Variants in ERICH1 observed in about 807,000 individuals in gnomAD.
ERICH1 encodes the protein glutamate-rich protein 1.
A neutral mutation model predicts 39.6 loss-of-function variants in ERICH1; 56 were observed. That is an observed-to-expected ratio of 1.41 (90% confidence interval 1.14 to 1.77). The LOEUF (loss-of-function observed/expected upper bound fraction) is 1.77. Ranked by LOEUF, ERICH1 falls within the 40% of genes most tolerant of loss-of-function variation. The probability of loss-of-function intolerance (pLI) is 0.00; values close to 1 mark genes in which losing one functional copy is unlikely to be tolerated. For synonymous variants in ERICH1, 313 were observed against 223.6 expected, an observed-to-expected ratio of 1.40 and a Z score of -3.57; for missense variants, 826 against 575.4, an observed-to-expected ratio of 1.44 and a Z score of -4.45.
downstream of ERICH1, among the ~76,000 whole-genome samples, chr8:661,955 C>T (rs1463528235): frequency 3.3e-5 from 5 of 150,420 alleles, no homozygotes; most frequent in Admixed American, 6.6e-5. Context: ...TCTGTGGAAC[C>T]TACAGGGATT....
At chr8:657,344 G>C (rs1800787423) in intron 3 of ERICH1, among the ~76,000 whole-genome samples, 1 of 152,060 alleles carries the variant, frequency 6.6e-6, no homozygotes, top group African/African-American at 2.4e-5. Context: ...GTGTGGAGGA[G>C]AGTCTTATTG....
chr8:730,659 T>C (rs1014063072), intron 1 of ERICH1, among the ~76,000 whole-genome samples: 3 of 152,104 alleles, frequency 2.0e-5, no homozygotes, highest in African/African-American at 7.3e-5. Flanking sequence ...GCCCCACACC[T>C]TAGGTCCACT....
intron 3 of ERICH1, among the ~76,000 whole-genome samples, chr8:642,274 C>A (rs1979174): frequency 0.9 from 136,150 of 151,198 alleles, 61,376 homozygotes; most frequent in South Asian, 0.95. Context: ...GCTTTGCTCT[C>A]ATTCATTTTA....
In ERICH1 at chr8:708,681, G is replaced by GTTTTTTT. The variant is rs139731216; in HGVS notation, c.169+7173_169+7179dup. Among the ~76,000 whole-genome samples the GTTTTTTT allele has an allele frequency of 4.4e-4, 29 of 65,768 alleles. 3 individuals carry two copies. The highest frequency in any genetic ancestry group is 9.6e-3 in the Middle Eastern group (1 of 104). The allele number at this position is 65,768 out of a possible 152,430, so 43.1% of individuals were successfully genotyped here. The stretch of plus-strand genomic sequence containing the variant: ...GGGCTGAGTGGTTACGGGATAATGA[G>GTTTTTTT]TTTTTTTTTTTTTTTTTTTTTTTTT... On this transcript the variant is annotated intron_variant, in intron 2 of 5. Coordinates refer to ENST00000262109, the MANE Select transcript of ERICH1 (RefSeq NM_207332.3).
At chr8:639,837 C>CA (rs1554484303) in intron 3 of ERICH1, among the ~76,000 whole-genome samples, 4 of 115,444 alleles carry the variant, frequency 3.5e-5, no homozygotes, top group Non-Finnish European at 5.4e-5. Context: ...TGAGCAGACA[C>CA]ACCAAGCACC....
chr8:679,559 C>T (rs1427085144), intron 3 of ERICH1, among the ~76,000 whole-genome samples: 1 of 152,214 alleles, frequency 6.6e-6, no homozygotes, highest in Admixed American at 6.5e-5. Flanking sequence ...CCCGTGGATG[C>T]TGCTACAAAT....
intron 2 of ERICH1, among the ~76,000 whole-genome samples, chr8:706,467 G>C (rs1585527706): frequency 2.0e-5 from 3 of 152,210 alleles, no homozygotes; most frequent in South Asian, 2.1e-4. Context: ...GTAAGTACTG[G>C]AAGGAAAAAT....
At chr8:686,628 T>C (rs1348003322) in intron 3 of ERICH1, 4 of 152,246 alleles carry the variant, frequency 2.6e-5, no homozygotes, top group Non-Finnish European at 4.4e-5. Flanking sequence ...AACATGACCA[T>C]ACACAGTGCC....
intron 3 of ERICH1, among the ~76,000 whole-genome samples, chr8:634,949 C>T (rs1335412208): frequency 6.6e-6 from 1 of 152,184 alleles, no homozygotes; most frequent in African/African-American, 2.4e-5. Context: ...CTCTTGGTGC[C>T]TCTGGGGAAG....
chr8:632,519 T>C (rs971956168), intron 3 of ERICH1, among the ~76,000 whole-genome samples: 4 of 152,204 alleles, frequency 2.6e-5, no homozygotes, highest in Admixed American at 6.5e-5. Flanking sequence ...TTTATGAACA[T>C]TGTTTTGGGG....
chr8:687,525 C>A (rs1807709436), intron 3 of ERICH1, among the ~76,000 whole-genome samples: 1 of 152,256 alleles, frequency 6.6e-6, no homozygotes, highest in East Asian at 1.9e-4. Flanking sequence ...CCCGCTAACA[C>A]CACGCGCTGA....
At chr8:682,088 G>A (rs1214216595) in intron 3 of ERICH1, among the ~76,000 whole-genome samples, 3 of 89,544 alleles carry the variant, frequency 3.4e-5, no homozygotes, top group South Asian at 3.9e-4. Context: ...AGTAGGTCTT[G>A]AGCCCAGTCT....
chr8:727,647 T>C (rs1239037670), intron 1 of ERICH1, among the ~76,000 whole-genome samples: 3 of 152,212 alleles, frequency 2.0e-5, no homozygotes, highest in Admixed American at 6.5e-5. Context: ...CTCCAGCACA[T>C]GTTCCCCAGG....
At chr8:710,670 T>C (rs1814521278) in intron 2 of ERICH1, among the ~76,000 whole-genome samples, 2 of 152,252 alleles carry the variant, frequency 1.3e-5, no homozygotes, top group Admixed American at 1.3e-4. Context: ...CTAATAAGCA[T>C]TTAAGGTCCC....
At chr8:634,460 C>T (rs1798272812) in intron 3 of ERICH1, among the ~76,000 whole-genome samples, 1 of 152,222 alleles carries the variant, frequency 6.6e-6, no homozygotes, top group Non-Finnish European at 1.5e-5. Flanking sequence ...AGCAATTCGT[C>T]TCCTGGGCGT....
chr8:615,270 G>C lies in ERICH1; in HGVS notation c.991C>G (p.Leu331Val), dbSNP rs770844445. 1.0e-5 allele frequency: 7 copies of C among 696,562 alleles called. No individual in the cohort carries two copies. In the African/African-American group the frequency reaches 1.1e-4, roughly 10 times the overall value. 43.1% of individuals were successfully genotyped at this position (696,562 alleles called of 1,614,324 possible). ...CCTCTTCTTATTTTCTTGGCTTTAA[G>C]TCTGCTTAGGACTCCTGGAAAATCA... Residue 331 changes from leucine (L) to valine (V), a missense_variant, in exon 4 of 4, where the codon CTT (leucine) becomes GTT (valine). Coordinates refer to the ERICH1 transcript ENST00000522706.
chr8:682,401 G>T (rs890928394), intron 3 of ERICH1, among the ~76,000 whole-genome samples: 7 of 152,230 alleles, frequency 4.6e-5, no homozygotes, highest in South Asian at 2.1e-4. Context: ...TGTGCTCTAT[G>T]CTCTGGCGTC....
intron 3 of ERICH1, among the ~76,000 whole-genome samples, chr8:635,584 C>T (rs987313728): frequency 1.3e-5 from 2 of 152,234 alleles, no homozygotes; most frequent in Non-Finnish European, 2.9e-5. Context: ...TAGTGGCCAG[C>T]CGGCCCGGCC....
intron 1 of ERICH1, among the ~76,000 whole-genome samples, chr8:718,213 C>T (rs952403914): frequency 6.0e-5 from 9 of 148,834 alleles, no homozygotes; most frequent in African/African-American, 2.2e-4. Context: ...AATGACAAAC[C>T]GCACAACACA....
Sources: gnomAD v4.1 joint callset for allele counts (sites outside exome capture counted in the v4.1 genomes callset) on GRCh38, gnomAD v4.1.1 for gene constraint, MANE v1.5 for transcripts, NCBI Gene and HGNC (gene_info 2026-07-23, HGNC 2026-07-21) for gene names.